The following CADPS2 variants were observed in gnomAD, a reference collection of about 807,000 sequenced individuals.
The protein encoded by CADPS2 is calcium dependent secretion activator 2.
Under a neutral mutation model 172.5 loss-of-function variants are expected in CADPS2, and 93 were observed. The observed-to-expected ratio is 0.54, with a 90% CI of 0.46 to 0.64. CADPS2 has a LOEUF of 0.64. Among genes scored for constraint, CADPS2 ranks in the 30% least tolerant of loss-of-function variants. The pLI is 0.00. For missense variants in CADPS2, 1,420 were observed against 1,565.9 expected (o/e 0.91, Z 1.57); for synonymous variants, 546 against 555.2 (o/e 0.98, Z 0.23).
intron 6 of CADPS2, among the ~76,000 whole-genome samples, chr7:122,601,070 T>C (rs578075785): frequency 6.6e-6 from 1 of 152,168 alleles, no homozygotes; most frequent in South Asian, 2.1e-4. Context: ...TCATAGTGCA[T>C]AAATATTGTA....
At chr7:122,419,631 T>A (rs913450647) in intron 17 of CADPS2, among the ~76,000 whole-genome samples, 1 of 152,140 alleles carries the variant, frequency 6.6e-6, no homozygotes, top group African/African-American at 2.4e-5. Context: ...ACCAAACAGA[T>A]GCTAAGAAGC....
intron 28 of CADPS2, among the ~76,000 whole-genome samples, chr7:122,332,851 A>G (rs1174701232): frequency 6.6e-6 from 1 of 152,164 alleles, no homozygotes; most frequent in Non-Finnish European, 1.5e-5. Flanking sequence ...CTTTCTTCAA[A>G]CTACATGAAA....
chr7:122,649,538 A>C (rs2078916549), intron 3 of CADPS2, among the ~76,000 whole-genome samples: 1 of 152,182 alleles, frequency 6.6e-6, no homozygotes. Flanking sequence ...TCCACAGACC[A>C]TTTCACTTAG....
chr7:122,399,332 T>G (rs2045587255), intron 20 of CADPS2, among the ~76,000 whole-genome samples: 1 of 152,184 alleles, frequency 6.6e-6, no homozygotes, highest in South Asian at 2.1e-4. Context: ...GAATCATTTC[T>G]TATTTATACA....
At chr7:122,514,174 A>C (rs967204314) in intron 8 of CADPS2, among the ~76,000 whole-genome samples, 1 of 152,164 alleles carries the variant, frequency 6.6e-6, no homozygotes, top group East Asian at 1.9e-4. Flanking sequence ...ACTCCCTACA[A>C]AAGTGGAAAA....
chr7:122,809,536 T>C (rs543078104), intron 1 of CADPS2, among the ~76,000 whole-genome samples: 4 of 149,292 alleles, frequency 2.7e-5, no homozygotes, highest in Non-Finnish European at 3.0e-5. Flanking sequence ...GCTGAGATCG[T>C]GCCATTGCAC....
intron 8 of CADPS2, among the ~76,000 whole-genome samples, chr7:122,516,364 G>C (rs1190849186): frequency 6.6e-6 from 1 of 152,000 alleles, no homozygotes; most frequent in African/African-American, 2.4e-5. Context: ...GCCAGACTCT[G>C]TCTGTACAAA....
chr7:122,483,412 G>A (rs78019976), intron 11 of CADPS2, among the ~76,000 whole-genome samples: 4,692 of 151,784 alleles, frequency 0.031, 213 homozygotes, highest in African/African-American at 0.11. Context: ...ACTTTTTTTC[G>A]TATATAAAGA....
chr7:122,649,856 C>T (rs1224183047), intron 3 of CADPS2, among the ~76,000 whole-genome samples: 6 of 146,512 alleles, frequency 4.1e-5, no homozygotes, highest in African/African-American at 1.3e-4. Context: ...TGTATTTTCA[C>T]TGCTTAACCT....
intron 1 of CADPS2, among the ~76,000 whole-genome samples, chr7:122,781,255 A>G (rs559141272): frequency 6.6e-6 from 1 of 152,274 alleles, no homozygotes; most frequent in East Asian, 1.9e-4. Flanking sequence ...CTTATTTATT[A>G]TAAGAGGATT....
intron 1 of CADPS2, among the ~76,000 whole-genome samples, chr7:122,781,656 T>A (rs1266835364): frequency 6.6e-6 from 1 of 152,204 alleles, no homozygotes; most frequent in Non-Finnish European, 1.5e-5. Flanking sequence ...ATTGTCACCA[T>A]CATGTTCAGT....
At chr7:122,725,835 T>G (rs1255084523) in intron 2 of CADPS2, among the ~76,000 whole-genome samples, 1 of 151,622 alleles carries the variant, frequency 6.6e-6, no homozygotes, top group South Asian at 2.1e-4. Flanking sequence ...TATACTCTAA[T>G]CCATACTGAA....
intron 7 of CADPS2, among the ~76,000 whole-genome samples, chr7:122,562,076 G>T (rs958021515): frequency 3.9e-5 from 6 of 152,260 alleles, no homozygotes; most frequent in Non-Finnish European, 7.4e-5. Context: ...ACAGTGTGTT[G>T]TTTACTTAAC....
At chr7:122,872,184 A>T (rs1315666156) in intron 1 of CADPS2, among the ~76,000 whole-genome samples, 1 of 152,072 alleles carries the variant, frequency 6.6e-6, no homozygotes, top group Non-Finnish European at 1.5e-5. Flanking sequence ...ACATAGTTTT[A>T]AGGTGATTTA....
intron 1 of CADPS2, among the ~76,000 whole-genome samples, chr7:122,739,890 A>G (rs2137924121): frequency 6.6e-6 from 1 of 152,298 alleles, no homozygotes; most frequent in African/African-American, 2.4e-5. Flanking sequence ...AGACCGAAAT[A>G]CAATCAGAAA....
intron 7 of CADPS2, among the ~76,000 whole-genome samples, chr7:122,578,371 G>A (rs556393007): frequency 6.6e-6 from 1 of 152,118 alleles, no homozygotes; most frequent in African/African-American, 2.4e-5. Flanking sequence ...CAATGTTTGA[G>A]GAAAAGAAAG....
chr7:122,723,915 A>T (rs144320269), intron 2 of CADPS2, among the ~76,000 whole-genome samples: 1 of 151,942 alleles, frequency 6.6e-6, no homozygotes, highest in African/African-American at 2.4e-5. Context: ...ATTCTCAGCA[A>T]ACTGTCACAA....
At chr7:122,854,179 G>A (rs1814520573) in intron 1 of CADPS2, among the ~76,000 whole-genome samples, 1 of 152,084 alleles carries the variant, frequency 6.6e-6, no homozygotes, top group Admixed American at 6.6e-5. Context: ...AGGTAACGTG[G>A]CGAAACCTGG....
intron 5 of CADPS2, among the ~76,000 whole-genome samples, chr7:122,619,608 CAGAG>C (rs925107918): frequency 7.9e-5 from 12 of 152,022 alleles, no homozygotes; most frequent in African/African-American, 2.9e-4. Context: ...GTTTGGGCAA[CAGAG>C]AGAGACTCAG....
Sources: allele counts gnomAD v4.1 joint callset (sites outside exome capture counted in the v4.1 genomes callset), GRCh38; gene constraint gnomAD v4.1.1; transcripts MANE v1.5; gene names NCBI Gene and HGNC (gene_info 2026-07-23, HGNC 2026-07-21).